The following DTX2 variants were observed in gnomAD, a reference collection of about 807,000 sequenced individuals.
The protein encoded by DTX2 is deltex E3 ubiquitin ligase 2, also known as probable E3 ubiquitin-protein ligase DTX2.
In DTX2, 29 loss-of-function variants were observed where a neutral mutation model predicts 55.3. The observed-to-expected ratio is 0.52, with a 90% CI of 0.39 to 0.71. DTX2 has a LOEUF of 0.71. DTX2 is among the 30% of genes least tolerant of loss of function. The pLI is 0.00. For synonymous variants in DTX2, 276 were observed against 340.4 expected, an observed-to-expected ratio of 0.81 and a Z score of 2.08; for missense variants, 537 against 822.5, an observed-to-expected ratio of 0.65 and a Z score of 4.25.
At position 76,482,538 on chromosome 7, in the gene DTX2, T is replaced by A. The variant is rs1426286723; in HGVS notation, c.299T>A (p.Phe100Tyr). Residue 100 changes from phenylalanine to tyrosine, a missense_variant, in exon 4 of 11, where the codon TTC becomes TAC. This residue lies in a region of DTX2 where 301 missense variants were observed against 396.6 expected (regional missense o/e 0.76). Transcript: ENST00000430490. ...ATGCGGGCTGTGCGGAGACACCTGT[T>A]CCCCCAGCACTCAGCCCCTGGCCGA... ...GTMRAVRRHL[F>Y]PQHSAPGRGV... 1 of 1,608,688 alleles carries A rather than the reference T, an allele frequency of 6.2e-7. No individual in the cohort carries two copies. Among genetic ancestry groups the A allele is most frequent in the East Asian group, 2.2e-5 (1 of 44,764 alleles).
At chr7:76,478,368 G>C (rs1446294035) in intron 2 of DTX2, among the ~76,000 whole-genome samples, 4 of 144,442 alleles carry the variant, frequency 2.8e-5, no homozygotes, top group Admixed American at 2.7e-4. Flanking sequence ...GAAAGAAGCA[G>C]GCCTGGGCTC....
rs1812201277 is a variant in DTX2, at chr7:76,505,165, G to A, written c.1642-209G>A. 6.6e-6 allele frequency among the ~76,000 whole-genome samples: 1 copy of A among 152,082 alleles called. No individual in the cohort carries two copies. Among genetic ancestry groups the A allele is most frequent in the South Asian group, 2.1e-4 (1 of 4,820 alleles). On this transcript the variant is annotated intron_variant, in intron 10 of 10. Transcript: ENST00000430490. This position sits in a 1 kb window ranked among gnomAD's most constrained non-coding sequence, Gnocchi z 4.4. ...GCAGTGCCAGGCACTGAGGCGGGGT[G>A]GGCTGGAGCCCAGGTTCATGTGGGA...
intron 2 of DTX2, among the ~76,000 whole-genome samples, chr7:76,466,695 T>C (rs1410589058): frequency 6.6e-6 from 1 of 152,252 alleles, no homozygotes; most frequent in Non-Finnish European, 1.5e-5. Flanking sequence ...GGGTTCAAGC[T>C]ACTCCCGATT....
Position 76,502,293 on chromosome 7 carries a change from T to G in DTX2, c.1231-5T>G, listed in dbSNP as rs1185561914. 1 of 1,605,800 alleles carries G rather than the reference T, an allele frequency of 6.2e-7. No homozygotes were observed. Among genetic ancestry groups the G allele is most frequent in the Admixed American group, 1.7e-5 (1 of 59,722 alleles). On this transcript the variant is annotated splice_region_variant and splice_polypyrimidine_tract_variant and intron_variant, in intron 7 of 10. Coordinates refer to ENST00000430490, the MANE Select transcript of DTX2 (RefSeq NM_001102594.3). ...CGAGCATGACCCATGTTTGGTCTCC[T>G]CCAGGACTGCATCATCTGCATGGAG...
Position 76,482,692 on chromosome 7 carries a change from C to G in DTX2, c.453C>G (p.Asn151Lys). The G allele has an allele frequency of 1.9e-6, 3 of 1,613,782 alleles. No homozygotes were observed. The highest frequency in any genetic ancestry group is 2.2e-5 in the East Asian group (1 of 44,882). ...QLVDLAPLGY[N>K]YTVNYTTHTQ... ...TGGACTTGGCCCCCCTGGGGTACAACTACACTGTCAACTACACCACCCACA... is the reference window on the plus strand; with the variant it reads ...TGGACTTGGCCCCCCTGGGGTACAAGTACACTGTCAACTACACCACCCACA... Residue 151 changes from asparagine to lysine, a missense_variant, in exon 4 of 11, where the codon AAC becomes AAG. Physicochemically the swap from Asn to Lys is moderately conservative, Grantham distance 94 (BLOSUM62 0). Coordinates refer to ENST00000430490, the MANE Select transcript of DTX2 (RefSeq NM_001102594.3).
At chr7:76,484,632 C>T (rs1378909145) in intron 4 of DTX2, among the ~76,000 whole-genome samples, 3 of 151,626 alleles carry the variant, frequency 2.0e-5, no homozygotes, top group Admixed American at 1.3e-4. Flanking sequence ...TGGCCCTGGT[C>T]GGCATCCTGC....
At chr7:76,499,647 C>T (rs1178567115) in intron 6 of DTX2, among the ~76,000 whole-genome samples, 1 of 147,842 alleles carries the variant, frequency 6.8e-6, no homozygotes, top group Admixed American at 6.8e-5. Context: ...TGGCTGCTGG[C>T]TTCTGTGGTT....
intron 2 of DTX2, among the ~76,000 whole-genome samples, chr7:76,472,678 T>C (rs1462913543): frequency 6.7e-6 from 1 of 149,860 alleles, no homozygotes; most frequent in East Asian, 2.0e-4. Flanking sequence ...CTTTAGAAAA[T>C]GTGAAAAGTT....
rs115954225 is a variant in DTX2 at position 76,481,155 on chromosome 7, C to T, written c.268+378C>T. Among the ~76,000 whole-genome samples the T allele has an allele frequency of 8.3e-3, 1,264 of 151,872 alleles. 21 individuals are homozygous for T. The highest frequency in any genetic ancestry group is 0.029 in the African/African-American group (1,214 of 41,402). Reference sequence around the variant, plus strand: ...GCAACTGCGCCCCTCTGCATGTGTGCGTTTCTGCTTTTTGGTCTGCGATGT... The same window carrying T: ...GCAACTGCGCCCCTCTGCATGTGTGTGTTTCTGCTTTTTGGTCTGCGATGT... On this transcript the variant is annotated intron_variant, in intron 3 of 10. Coordinates refer to ENST00000430490, the MANE Select transcript of DTX2 (RefSeq NM_001102594.3).
chr7:76,502,436 A>G lies in DTX2; in HGVS notation c.1369A>G (p.Met457Val). 1.2e-6 allele frequency: 2 copies of G among 1,612,278 alleles called. No individual in the cohort carries two copies. The highest frequency in any genetic ancestry group is 1.7e-5 in the Admixed American group (1 of 60,010). ...HAFHLLCLLA[M>V]YCNGNKDGSL... ...CTTCCACCTGCTGTGCCTCCTGGCC[A>G]TGTACTGCAACGGCAATAAGGTGCC... The change falls in exon 8 of 11, where the codon ATG (methionine) becomes GTG (valine). Residue 457 changes from methionine to valine, a missense_variant. Physicochemically the swap from Met to Val is conservative, Grantham distance 21. Transcript: ENST00000430490.
Position 76,503,496 on chromosome 7 carries a change from A to G in DTX2, c.1460A>G (p.Lys487Arg), listed in dbSNP as rs541726565. The change falls in exon 9 of 11, where the codon AAG becomes AGG. Residue 487 changes from lysine to arginine, a missense_variant. By Grantham distance (26) the Lys-to-Arg change is conservative (BLOSUM62 2). This residue lies in a region of DTX2 where 121 missense variants were observed against 136.8 expected (regional missense o/e 0.88). Transcript: ENST00000430490. ...AAGACGGGGACCCAGCCCCAGGGAA[A>G]GATGGAGGTATTACGGTTCCAGATG... ...GEKTGTQPQG[K>R]MEVLRFQMSL... 1.9e-6 allele frequency: 3 copies of G among 1,613,058 alleles called. No homozygotes were observed. The highest frequency in any genetic ancestry group is 1.3e-5 in the African/African-American group (1 of 75,056).
At chr7:76,464,903 G>A (rs199532626) in intron 2 of DTX2, among the ~76,000 whole-genome samples, 13 of 149,606 alleles carry the variant, frequency 8.7e-5, no homozygotes, top group African/African-American at 1.5e-4. Context: ...CTAAGAGGGT[G>A]TTTTCTTTCA....
rs950593306 is a variant in DTX2, at chr7:76,505,714, G to A, written c.*113G>A. 6.0e-6 allele frequency: 7 copies of A among 1,170,194 alleles called. No individual in the cohort carries two copies. Among genetic ancestry groups the A allele is most frequent in the East Asian group, 2.6e-5 (1 of 38,954 alleles). The allele number at this position is 1,170,194 out of a possible 1,614,324, so 72.5% of individuals were successfully genotyped here. ...AGGCTGGGAGGTTTGTTGAGGGTGT[G>A]GGGTGTGCCCCACCTGAAGCCGGGG... On this transcript the variant is annotated 3_prime_UTR_variant, in exon 11 of 11. Transcript: ENST00000430490. This position sits in a 1 kb window ranked among gnomAD's most constrained non-coding sequence, Gnocchi z 4.4.
At position 76,482,772 on chromosome 7, in the gene DTX2, C is replaced by T. The variant is rs373642190; in HGVS notation, c.533C>T (p.Pro178Leu). The T allele has an allele frequency of 1.7e-5, 28 of 1,613,848 alleles. No homozygotes were observed. Among genetic ancestry groups the T allele is most frequent in the Middle Eastern group, 1.7e-4 (1 of 6,050 alleles). Residue 178 changes from proline (P) to leucine (L), a missense_variant, in exon 4 of 11, where the codon CCG (proline) becomes CTG (leucine). Physicochemically the swap from Pro to Leu is moderately conservative, Grantham distance 98. Transcript: ENST00000430490. Reference sequence around the variant, plus strand: ...CGCAGCGTGCGGCGCCAAGCAGGGCCGCCTTACCCGGTGACCACCATCATC... The same window carrying T: ...CGCAGCGTGCGGCGCCAAGCAGGGCTGCCTTACCCGGTGACCACCATCATC... ...FCRSVRRQAGPPYPVTTIIAP... is the reference protein window; with the variant it reads ...FCRSVRRQAGLPYPVTTIIAP...
At chr7:76,492,052 A>C (rs1638154) in intron 4 of DTX2, 101 bp from the exon 5 acceptor site, 5 of 481,542 alleles carry the variant, frequency 1.0e-5, no homozygotes, top group South Asian at 2.8e-5. Context: ...AAGCGCGAAG[A>C]CACCTCAGTG....
At chr7:76,475,497 G>T (rs1808449756) in intron 2 of DTX2, among the ~76,000 whole-genome samples, 1 of 145,952 alleles carries the variant, frequency 6.9e-6, no homozygotes, top group African/African-American at 2.5e-5. Flanking sequence ...GACCAACCTG[G>T]CCAATGTGGC....
intron 5 of DTX2, among the ~76,000 whole-genome samples, chr7:76,495,733 G>C (rs1176119256): frequency 1.3e-5 from 2 of 151,772 alleles, no homozygotes; most frequent in Non-Finnish European, 2.9e-5. Flanking sequence ...GCTGAGGGAA[G>C]ACAGTCCATA....
chr7:76,504,695 C>CA (rs1193176444), intron 10 of DTX2, among the ~76,000 whole-genome samples: 2 of 152,234 alleles, frequency 1.3e-5, no homozygotes, highest in Non-Finnish European at 2.9e-5. Flanking sequence ...TCCTGAGAGT[C>CA]AGAGTGTGAC....
In DTX2 at chr7:76,494,488, C is replaced by T. The variant is rs1365960787; in HGVS notation, c.1009+2235C>T. On this transcript the variant is annotated intron_variant, in intron 5 of 10. Transcript: ENST00000430490. The stretch of plus-strand genomic sequence containing the variant: ...CAGTTCTGGGGCTCTCGCAAGCCTT[C>T]GTGGCCAGGCCTGACAGTGAGCGAC... 4.8e-5 allele frequency among the ~76,000 whole-genome samples: 4 copies of T among 83,314 alleles called. 1 individual carries two copies. The East Asian group carries it at 1.3e-3, about 26-fold the overall frequency. The allele number at this position is 83,314 out of a possible 152,430, so 54.7% of individuals were successfully genotyped here. A position where few individuals can be genotyped will look rare whatever the true frequency, so the allele number is the denominator to read the frequency against.
Sources: allele counts gnomAD v4.1 joint callset (sites outside exome capture counted in the v4.1 genomes callset), GRCh38; gene constraint gnomAD v4.1.1; regional missense constraint gnomAD v4.1.1; non-coding constraint Gnocchi (gnomAD v3.1); transcripts MANE v1.5; gene names NCBI Gene and HGNC (gene_info 2026-07-23, HGNC 2026-07-21).